UBE2E2: variants seen among roughly 807,000 people sequenced by gnomAD.
UBE2E2 encodes ubiquitin conjugating enzyme E2 E2.
Under a neutral mutation model 24.7 loss-of-function variants are expected in UBE2E2, and 6 were observed. That is an observed-to-expected ratio of 0.24 (90% CI 0.13 to 0.48). UBE2E2 has a LOEUF of 0.48. UBE2E2 is among the 20% of genes least tolerant of loss of function. The pLI, the probability that UBE2E2 is intolerant of heterozygous loss-of-function variation, is 0.99. For synonymous variants in UBE2E2, 104 were observed against 83.6 expected (o/e 1.24, Z -1.33); for missense variants, 169 against 245.0 (o/e 0.69, Z 2.07).
chr3:23,485,766 A>G (rs1699356021), intron 3 of UBE2E2, among the ~76,000 whole-genome samples: 4 of 152,178 alleles, frequency 2.6e-5, no homozygotes, highest in African/African-American at 2.4e-5. Context: ...CATTTCTTTC[A>G]TGATCTCAGA....
intron 3 of UBE2E2, among the ~76,000 whole-genome samples, chr3:23,228,254 A>G (rs192864547): frequency 3.3e-5 from 5 of 152,280 alleles, no homozygotes. Flanking sequence ...AATTTTTTTT[A>G]AATTCTTTAC....
intron 3 of UBE2E2, among the ~76,000 whole-genome samples, chr3:23,279,094 C>G (rs186541440): frequency 6.6e-6 from 1 of 152,128 alleles, no homozygotes; most frequent in Admixed American, 6.5e-5. Flanking sequence ...TACCATGTAA[C>G]TTATTTTTTG....
chr3:23,352,888 G>T (rs1446994211), intron 3 of UBE2E2, among the ~76,000 whole-genome samples: 1 of 152,104 alleles, frequency 6.6e-6, no homozygotes, highest in African/African-American at 2.4e-5. Flanking sequence ...ATTTTATAAG[G>T]CCAGCATCAT....
intron 4 of UBE2E2, among the ~76,000 whole-genome samples, chr3:23,532,285 T>C (rs1325498781): frequency 1.3e-5 from 2 of 152,158 alleles, no homozygotes; most frequent in African/African-American, 4.8e-5. Flanking sequence ...CCCTAAAACA[T>C]TTGTTAAATA....
At chr3:23,335,471 A>G (rs780346443) in intron 3 of UBE2E2, among the ~76,000 whole-genome samples, 35 of 152,190 alleles carry the variant, frequency 2.3e-4, no homozygotes, top group Non-Finnish European at 3.8e-4. Flanking sequence ...TATTTCTTGT[A>G]GCAGTGTCTA....
chr3:23,239,050 C>T (rs1488520799), intron 3 of UBE2E2, among the ~76,000 whole-genome samples: 1 of 152,122 alleles, frequency 6.6e-6, no homozygotes, highest in East Asian at 1.9e-4. Flanking sequence ...CTTCAGGTTC[C>T]TAAATTTAAT....
chr3:23,395,357 A>G (rs1185809439), intron 3 of UBE2E2, among the ~76,000 whole-genome samples: 1 of 152,232 alleles, frequency 6.6e-6, no homozygotes, highest in Non-Finnish European at 1.5e-5. Context: ...GATGAGAGAA[A>G]CAGGCAATTG....
chr3:23,563,561 G>GT (rs1358478167), intron 5 of UBE2E2, among the ~76,000 whole-genome samples: 2 of 152,118 alleles, frequency 1.3e-5, no homozygotes, highest in African/African-American at 4.8e-5. Context: ...GGGGTGGAGA[G>GT]TTCTGTAGAT....
chr3:23,422,677 A>G (rs1240191476), intron 3 of UBE2E2, among the ~76,000 whole-genome samples: 2 of 152,196 alleles, frequency 1.3e-5, no homozygotes, highest in Admixed American at 1.3e-4. Flanking sequence ...GACTTGTTCT[A>G]TTTCCAGAAG....
intron 3 of UBE2E2, among the ~76,000 whole-genome samples, chr3:23,274,901 TC>T (rs1698343252): frequency 6.6e-6 from 1 of 152,230 alleles, no homozygotes; most frequent in Admixed American, 6.5e-5. Context: ...CCTTATTTAT[TC>T]ACTCATATAA....
intron 5 of UBE2E2, among the ~76,000 whole-genome samples, chr3:23,572,136 G>T (rs906388320): frequency 6.6e-6 from 1 of 152,112 alleles, no homozygotes; most frequent in Non-Finnish European, 1.5e-5. Context: ...GATCTAGTTT[G>T]ATAATGTCCA....
In UBE2E2 at chr3:23,475,549, A is replaced by G. The variant is rs556518152; in HGVS notation, c.228-24059A>G. Among the ~76,000 whole-genome samples, 82 of 152,178 alleles carry G rather than the reference A, an allele frequency of 5.4e-4. 1 individual carries two copies. In the South Asian group the frequency reaches 0.01, roughly 19 times the overall value. ...CTATCAGGGTGATCTTTTTCATATGAAAATCTGTTGTTCCATGAAAGGGTC... is the reference window on the plus strand; with the variant it reads ...CTATCAGGGTGATCTTTTTCATATGGAAATCTGTTGTTCCATGAAAGGGTC... On this transcript the variant is annotated intron_variant, in intron 3 of 5. Coordinates refer to ENST00000396703, the MANE Select transcript of UBE2E2 (RefSeq NM_152653.4).
At chr3:23,342,557 A>G (rs1224389145) in intron 3 of UBE2E2, among the ~76,000 whole-genome samples, 1 of 152,234 alleles carries the variant, frequency 6.6e-6, no homozygotes, top group Admixed American at 6.5e-5. Context: ...TTCACACTAC[A>G]TAAACTATGC....
chr3:23,341,716 T>C (rs1438075374), intron 3 of UBE2E2, among the ~76,000 whole-genome samples: 1 of 152,180 alleles, frequency 6.6e-6, no homozygotes, highest in African/African-American at 2.4e-5. Context: ...CGTTCTTTTT[T>C]TTTTCTAAAA....
chr3:23,322,090 G>T (rs898639638), intron 3 of UBE2E2, among the ~76,000 whole-genome samples: 1 of 152,154 alleles, frequency 6.6e-6, no homozygotes, highest in Non-Finnish European at 1.5e-5. Flanking sequence ...AACTTAAGTG[G>T]TTAGAGAAGA....
intron 3 of UBE2E2, among the ~76,000 whole-genome samples, chr3:23,433,115 T>C (rs549488850): frequency 2.6e-5 from 4 of 152,108 alleles, no homozygotes; most frequent in Admixed American, 6.5e-5. Context: ...CCCAGTTGTT[T>C]ATTCATACAG....
At chr3:23,408,182 A>G (rs1697411208) in intron 3 of UBE2E2, among the ~76,000 whole-genome samples, 1 of 152,178 alleles carries the variant, frequency 6.6e-6, no homozygotes. Flanking sequence ...GGTTTTTTAG[A>G]AAAGAATAAG....
At chr3:23,584,224 T>C (rs1009908493) in intron 5 of UBE2E2, among the ~76,000 whole-genome samples, 1 of 152,372 alleles carries the variant, frequency 6.6e-6, no homozygotes, top group African/African-American at 2.4e-5. Flanking sequence ...TTTGTTGATT[T>C]GCATGTGTTG....
At position 23,371,204 on chromosome 3, in the gene UBE2E2, A is replaced by AT. The variant is rs199658011; in HGVS notation, c.228-128398dup. Reference sequence around the variant, plus strand: ...GCCACCGCACCTGGCTAATTTTTAAATTTTTTGTAGAGATGGTAGTCTCAC... The same window carrying AT: ...GCCACCGCACCTGGCTAATTTTTAAATTTTTTTGTAGAGATGGTAGTCTCAC... On this transcript the variant is annotated intron_variant, in intron 3 of 5. Transcript: ENST00000396703. Among the ~76,000 whole-genome samples, 89 of 152,004 alleles carry AT rather than the reference A, an allele frequency of 5.9e-4. 3 individuals carry two copies. In the East Asian group the frequency reaches 0.016, roughly 27 times the overall value.
Sources: gnomAD v4.1 joint callset for allele counts (sites outside exome capture counted in the v4.1 genomes callset) on GRCh38, gnomAD v4.1.1 for gene constraint, MANE v1.5 for transcripts, NCBI Gene and HGNC (gene_info 2026-07-23, HGNC 2026-07-21) for gene names.